The following PRKD2 variants were observed in gnomAD, a reference collection of about 807,000 sequenced individuals.
PRKD2 encodes protein kinase D2.
In PRKD2, 22 loss-of-function variants were observed where a neutral mutation model predicts 86.0. The ratio of observed to expected loss-of-function variants is 0.26; its 90% CI spans 0.18 to 0.37. The LOEUF is 0.37. PRKD2 is among the 10% of genes least tolerant of loss of function. The pLI, the probability that PRKD2 is intolerant of heterozygous loss-of-function variation, is 1.00. For synonymous variants in PRKD2, 509 were observed against 510.9 expected, an observed-to-expected ratio of 1.00 and a Z score of 0.05; for missense variants, 818 against 1,199.2, an observed-to-expected ratio of 0.68 and a Z score of 4.70.
chr19:46,681,583 T>TA, intron 15 of PRKD2, 67 bp downstream of exon 15: 4 of 671,504 alleles, frequency 6.0e-6, no homozygotes, highest in African/African-American at 3.7e-5. Context: ...ATAATCCCCT[T>TA]CCCCACCCCC....
In PRKD2 at chr19:46,674,433, G is replaced by T; in HGVS notation, c.*90C>A. On this transcript the variant is annotated 3_prime_UTR_variant, in exon 18 of 18. Transcript: ENST00000291281. ...TCCCCACGTGTCCCATCCAGTTTGG[G>T]CAGGAAGCCACTTTCCCTAGAACAG... 1 of 1,399,422 alleles carries T rather than the reference G, an allele frequency of 7.1e-7. No homozygotes were observed. 86.7% of individuals were successfully genotyped at this position (1,399,422 alleles called of 1,614,324 possible).
intron 15 of PRKD2, among the ~76,000 whole-genome samples, chr19:46,680,951 T>TATATATATATATATAG (rs2053295740): frequency 9.2e-6 from 1 of 108,322 alleles, no homozygotes; most frequent in African/African-American, 3.9e-5. Flanking sequence ...TATATATTTT[T>TATATATATATATATAG]TTTTTTTTTT....
At chr19:46,675,184 C>G in intron 16 of PRKD2, 66 bp from the exon 17 acceptor site, 17 of 1,384,928 alleles carry the variant, frequency 1.2e-5, no homozygotes, top group Non-Finnish European at 1.6e-5. Flanking sequence ...CAATAGGCAC[C>G]CCCTAGCCTA....
At chr19:46,703,958 A>AACACACACACACACACACACACACACAC (rs10528388) in intron 5 of PRKD2, among the ~76,000 whole-genome samples, 112 of 133,740 alleles carry the variant, frequency 8.4e-4, no homozygotes, top group Non-Finnish European at 1.2e-3. Context: ...AAACAACAAC[A>AACACACACACACACACACACACACACAC]ACACACACAC....
chr19:46,674,784 G>T, intron 17 of PRKD2, 49 bp from the exon 18 acceptor site: 1 of 1,552,808 alleles, frequency 6.4e-7, no homozygotes, highest in Non-Finnish European at 8.7e-7. Context: ...TTGGAGCAGT[G>T]CCTGGATATC....
intron 14 of PRKD2, among the ~76,000 whole-genome samples, chr19:46,683,329 G>A (rs575133514): frequency 2.8e-4 from 43 of 152,010 alleles, no homozygotes; most frequent in South Asian, 8.3e-4. Flanking sequence ...TCCTGACCTC[G>A]TGATCCACCA....
At position 46,714,490 on chromosome 19, in the gene PRKD2, C is replaced by CGGGGGGGG. The variant is rs1254751346; in HGVS notation, c.241-490_241-489insCCCCCCCC. The CGGGGGGGG allele has an allele frequency of 1.0e-3, 45 of 43,528 alleles. 2 individuals carry two copies. Among genetic ancestry groups the CGGGGGGGG allele is most frequent in the Middle Eastern group, 0.014 (1 of 74 alleles). The allele number at this position is 43,528 out of a possible 1,614,324, so 2.7% of individuals were successfully genotyped here. ...CTCCTGGGAAAGTGGGGGGGGGGGC[C>CGGGGGGGG]GGGGGACTTGGACTCGAGGGCGCTG... On this transcript the variant is annotated intron_variant, in intron 1 of 17. Transcript: ENST00000291281.
chr19:46,688,787 C>A (rs1169441023), intron 14 of PRKD2: 1 of 151,592 alleles, frequency 6.6e-6, no homozygotes, highest in Non-Finnish European at 1.5e-5. Flanking sequence ...TTTTTTCTTT[C>A]TTTCTTTTTA....
chr19:46,697,477 A>G (rs1944403443), intron 8 of PRKD2: 1 of 412,244 alleles, frequency 2.4e-6, no homozygotes, highest in South Asian at 3.3e-5. Context: ...CTCTTCCTCC[A>G]GCCAAGCTCC....
At chr19:46,675,260 A>C (rs1414903155) in intron 16 of PRKD2, 142 bp from the exon 17 acceptor site, 2 of 663,854 alleles carry the variant, frequency 3.0e-6, no homozygotes, top group Non-Finnish European at 5.3e-6. Flanking sequence ...ACCTGTGCCA[A>C]TCACTCACCC....
In PRKD2 at chr19:46,716,332, G is replaced by A. The variant is rs559046406; in HGVS notation, c.39C>T (p.Gly13=). ...GCGGAGGAGACCCCGGCCCGGGAGA[G>A]CCAGGGAGCCCGGCGGGATAAGAGG... ...TAPSYPAGLP[G]SPGPGSPPPP... is the part of the protein sequence containing the mutation. The change falls in exon 1 of 18, where the codon GGC becomes GGT. Residue 13 remains glycine (G), a synonymous_variant. Coordinates refer to ENST00000291281, the MANE Select transcript of PRKD2 (RefSeq NM_016457.5). This position sits in a 1 kb window ranked among gnomAD's most constrained non-coding sequence, Gnocchi z 7.9. The A allele has an allele frequency of 1.1e-4, 167 of 1,483,214 alleles. 1 individual carries two copies. The Admixed American group carries it at 1.1e-3, about 10-fold the overall frequency. The allele number at this position is 1,483,214 out of a possible 1,614,324, so 91.9% of individuals were successfully genotyped here.
intron 3 of PRKD2, among the ~76,000 whole-genome samples, chr19:46,706,170 T>C (rs1325849068): frequency 1.3e-5 from 2 of 152,204 alleles, no homozygotes; most frequent in East Asian, 3.9e-4. Context: ...CTGCCTATTT[T>C]ATCTTTTAAA....
chr19:46,711,637 C>T (rs958586521), intron 2 of PRKD2, among the ~76,000 whole-genome samples: 7 of 152,126 alleles, frequency 4.6e-5, no homozygotes, highest in Non-Finnish European at 8.8e-5. Flanking sequence ...AGGTGATCTG[C>T]CCGCCTCGGT....
Position 46,704,487 on chromosome 19 carries a change from C to T in PRKD2, c.666+8G>A. 4 of 1,614,146 alleles carry T rather than the reference C, an allele frequency of 2.5e-6. No homozygotes were observed. The highest frequency in any genetic ancestry group is 3.4e-6 in the Non-Finnish European group (4 of 1,180,018). ...GCCACCAACCCGTCCCATCCCCCAT[C>T]TCCTCACCAGCTCTTCAGCCGTGCA... On this transcript the variant is annotated splice_region_variant and intron_variant, in intron 4 of 17. Coordinates refer to ENST00000291281, the MANE Select transcript of PRKD2 (RefSeq NM_016457.5).
intron 14 of PRKD2, 40 bp from the exon 15 acceptor site, chr19:46,681,788 G>A: frequency 7.3e-7 from 1 of 1,377,716 alleles, no homozygotes; most frequent in Middle Eastern, 1.9e-4. Context: ...AGGTAGATAG[G>A]TACTCAGCCA....
Position 46,674,597 on chromosome 19 carries a change from T to G in PRKD2, c.2563A>C (p.Arg855=), listed in dbSNP as rs773156372. 6 of 1,610,580 alleles carry G rather than the reference T, an allele frequency of 3.7e-6. No homozygotes were observed. The highest frequency in any genetic ancestry group is 5.1e-6 in the Non-Finnish European group (6 of 1,179,920). The part of the protein sequence containing the change: ...PLPGSGLPTD[R]DLGGACPPQD... The stretch of plus-strand genomic sequence containing the variant: ...GGTGGACAGGCCCCACCGAGATCCC[T>G]GTCCGTGGGCAGCCCAGACCCAGGC... The change falls in exon 18 of 18, where the codon AGG becomes CGG. Residue 855 remains arginine, a synonymous_variant. Transcript: ENST00000291281.
rs750260999 is a variant in PRKD2 at position 46,675,131 on chromosome 19, G to C, written c.2339-13C>G. 6.2e-7 allele frequency: 1 copy of C among 1,604,504 alleles called. No homozygotes were observed. The highest frequency in any genetic ancestry group is 2.2e-5 in the East Asian group (1 of 44,800). The stretch of plus-strand genomic sequence containing the variant: ...ATGAGGTCAATGGCTGCACAGGAAA[G>C]AGAAACAGGTCAAGCCCTACAGGTC... On this transcript the variant is annotated splice_polypyrimidine_tract_variant and intron_variant, in intron 16 of 17. Transcript: ENST00000291281.
At chr19:46,697,954 T>C in intron 7 of PRKD2, 104 bp from the exon 8 acceptor site, 1 of 909,222 alleles carries the variant, frequency 1.1e-6, no homozygotes, top group East Asian at 2.5e-5. Context: ...GGGGACTGTT[T>C]TTGTTTGTTT....
intron 5 of PRKD2, among the ~76,000 whole-genome samples, chr19:46,703,767 G>A (rs1411344314): frequency 8.9e-5 from 13 of 146,030 alleles, no homozygotes; most frequent in Non-Finnish European, 1.8e-4. Flanking sequence ...GTGAGACTCC[G>A]TCTCAAAAAA....
Sources: allele counts gnomAD v4.1 joint callset (sites outside exome capture counted in the v4.1 genomes callset), GRCh38; gene constraint gnomAD v4.1.1; non-coding constraint Gnocchi (gnomAD v3.1); transcripts MANE v1.5; gene names NCBI Gene and HGNC (gene_info 2026-07-23, HGNC 2026-07-21).